Variants in LARGE1 observed in about 807,000 individuals in gnomAD.
The protein encoded by LARGE1 is LARGE xylosyl- and glucuronyltransferase 1.
In LARGE1, 43 loss-of-function variants were observed where a neutral mutation model predicts 87.6. The observed-to-expected ratio is 0.49, with a 90% CI of 0.38 to 0.63. The LOEUF is 0.63. Ranked by LOEUF, LARGE1 falls within the 30% of genes least tolerant of loss-of-function variation. The probability of loss-of-function intolerance (pLI) is 0.00; values close to 1 mark genes in which losing one functional copy is unlikely to be tolerated. For missense variants in LARGE1, 802 were observed against 1,000.2 expected (o/e 0.80, Z 2.67); for synonymous variants, 434 against 394.6 (o/e 1.10, Z -1.18).
Position 33,316,156 on chromosome 22 carries a change from G to T in LARGE1, c.1380C>A (p.Phe460Leu). Residue 460 changes from phenylalanine to leucine, a missense_variant, in exon 11 of 15, where the codon TTC (phenylalanine) becomes TTA (leucine). Around this residue, in one of 2 missense-constraint regions of LARGE1, gnomAD observed 625 missense variants for 841.9 expected, o/e 0.74. Coordinates refer to ENST00000397394, the MANE Select transcript of LARGE1 (RefSeq NM_133642.5). ...CTGCAGGCTCATACTCGTAGTGCAG[G>T]AAGTACAGGTGGGTGCGGTGGACAG... is the stretch of plus-strand genomic sequence containing the variant. ...RFTVHRTHLY[F>L]LHYEYEPAAD... The T allele has an allele frequency of 1.9e-6, 3 of 1,614,150 alleles. No homozygotes were observed. Among genetic ancestry groups the T allele is most frequent in the Non-Finnish European group, 2.5e-6 (3 of 1,180,030 alleles).
At chr22:33,347,605 G>T (rs1939908365) in intron 9 of LARGE1, among the ~76,000 whole-genome samples, 1 of 152,178 alleles carries the variant, frequency 6.6e-6, no homozygotes, top group South Asian at 2.1e-4. Context: ...CAAAGAGAAG[G>T]ACAATATTTT....
intron 11 of LARGE1, among the ~76,000 whole-genome samples, chr22:33,216,364 C>T (rs1381131670): frequency 1.3e-5 from 2 of 152,190 alleles, no homozygotes; most frequent in African/African-American, 4.8e-5. Context: ...CGTGGTGGCT[C>T]ACGCCTGTAA....
At chr22:33,329,224 A>G (rs895920511) in intron 10 of LARGE1, among the ~76,000 whole-genome samples, 10 of 152,202 alleles carry the variant, frequency 6.6e-5, no homozygotes, top group African/African-American at 1.9e-4. Flanking sequence ...GCAGTCATCA[A>G]TTAGTGATGT....
chr22:33,445,179 T>G (rs2067637798), intron 6 of LARGE1, among the ~76,000 whole-genome samples: 1 of 152,150 alleles, frequency 6.6e-6, no homozygotes, highest in African/African-American at 2.4e-5. Flanking sequence ...GGGCCTATCT[T>G]CATGTCTTAG....
intron 11 of LARGE1, among the ~76,000 whole-genome samples, chr22:33,253,044 G>A (rs980518669): frequency 7.2e-5 from 11 of 152,152 alleles, no homozygotes; most frequent in African/African-American, 2.4e-4. Context: ...AAGGTGTGAC[G>A]TGGAATGTAA....
intron 7 of LARGE1, among the ~76,000 whole-genome samples, chr22:33,400,684 A>G (rs775132194): frequency 6.6e-6 from 1 of 152,156 alleles, no homozygotes; most frequent in African/African-American, 2.4e-5. Context: ...GCTCCTAAAC[A>G]GCCGAAAGGG....
At chr22:33,202,105 T>TA (rs137449) in intron 11 of LARGE1, among the ~76,000 whole-genome samples, 51,061 of 143,704 alleles carry the variant, frequency 0.36, 8,781 homozygotes, top group Non-Finnish European at 0.39. Context: ...CACGGCATGA[T>TA]AAAAAAAAAA....
chr22:33,233,594 C>G (rs929931913), intron 11 of LARGE1, among the ~76,000 whole-genome samples: 3 of 152,002 alleles, frequency 2.0e-5, no homozygotes, highest in African/African-American at 7.2e-5. Flanking sequence ...TATGGTTGGG[C>G]AGATGAGAAA....
chr22:33,320,061 C>A (rs1402846434), intron 10 of LARGE1, among the ~76,000 whole-genome samples: 1 of 152,230 alleles, frequency 6.6e-6, no homozygotes, highest in Non-Finnish European at 1.5e-5. Context: ...TCTCACCATG[C>A]CAACAGTTTA....
chr22:33,752,179 G>A (rs1192623430), intron 2 of LARGE1, among the ~76,000 whole-genome samples: 2 of 152,074 alleles, frequency 1.3e-5, no homozygotes, highest in Admixed American at 6.5e-5. Flanking sequence ...CTAGTCTTTT[G>A]TTTCCACCTA....
At chr22:33,121,402 T>C in the LARGE1 span, among the ~76,000 whole-genome samples, 1 of 152,238 alleles carries the variant, frequency 6.6e-6, no homozygotes, top group African/African-American at 2.4e-5. Context: ...GGGTTAAGAA[T>C]GCCTGTTGTG....
chr22:33,761,971 T>C (rs565622335), intron 1 of LARGE1, among the ~76,000 whole-genome samples: 18 of 151,972 alleles, frequency 1.2e-4, no homozygotes, highest in African/African-American at 4.1e-4. Flanking sequence ...AATCTCAGCA[T>C]TTTGGGAGGC....
At chr22:33,240,552 A>G (rs939271926) in intron 11 of LARGE1, among the ~76,000 whole-genome samples, 7 of 152,182 alleles carry the variant, frequency 4.6e-5, no homozygotes, top group Admixed American at 2.6e-4. Context: ...TCCTTGTGTC[A>G]ATAACACTCT....
chr22:33,677,439 C>T lies in LARGE1; in HGVS notation c.107-26771G>A, dbSNP rs149386368. On this transcript the variant is annotated intron_variant, in intron 2 of 14. Transcript: ENST00000397394. ...ACTGGAAACCCACTGGAAATTACGACAGTTATCTCTCCATATTTATCTCTG... is the reference window on the plus strand; with the variant it reads ...ACTGGAAACCCACTGGAAATTACGATAGTTATCTCTCCATATTTATCTCTG... Among the ~76,000 whole-genome samples, 489 of 152,226 alleles carry T rather than the reference C, an allele frequency of 3.2e-3. 5 individuals carry two copies. Among genetic ancestry groups the T allele is most frequent in the South Asian group, 7.3e-3 (35 of 4,822 alleles).
chr22:33,395,574 C>T (rs2065711387), intron 7 of LARGE1, among the ~76,000 whole-genome samples: 1 of 152,142 alleles, frequency 6.6e-6, no homozygotes, highest in Non-Finnish European at 1.5e-5. Flanking sequence ...AAGGTTCTGC[C>T]ACTATTCCCT....
intron 6 of LARGE1, among the ~76,000 whole-genome samples, chr22:33,450,598 T>C (rs2067871684): frequency 6.9e-6 from 1 of 145,730 alleles, no homozygotes; most frequent in Non-Finnish European, 1.5e-5. Flanking sequence ...CAAAGCAAGA[T>C]TCTGTTAAAT....
At chr22:33,748,999 T>C (rs528299015) in intron 2 of LARGE1, among the ~76,000 whole-genome samples, 1 of 152,208 alleles carries the variant, frequency 6.6e-6, no homozygotes, top group Non-Finnish European at 1.5e-5. Flanking sequence ...CAGGAGACTT[T>C]CCAGGATTCT....
At chr22:33,506,434 C>T (rs1182925052) in intron 6 of LARGE1, among the ~76,000 whole-genome samples, 1 of 152,134 alleles carries the variant, frequency 6.6e-6, no homozygotes, top group Non-Finnish European at 1.5e-5. Context: ...CTTCCTCCTC[C>T]CATAGGCTGA....
rs187146348 is a variant in LARGE1 at position 33,505,354 on chromosome 22, T to G, written c.787+59494A>C. ...ATGCCAGGTTTCTGTCTGGAGCTAC[T>G]GCTAATACCATTATCGTAGTAGAGA... On this transcript the variant is annotated intron_variant, in intron 6 of 14. Transcript: ENST00000397394. Among the ~76,000 whole-genome samples the G allele has an allele frequency of 2.0e-5, 3 of 152,338 alleles. No homozygotes were observed. The East Asian group carries it at 5.8e-4, about 29-fold the overall frequency.
Sources: gnomAD v4.1 joint callset for allele counts (sites outside exome capture counted in the v4.1 genomes callset) on GRCh38, gnomAD v4.1.1 for gene constraint, gnomAD v4.1.1 regional missense constraint, MANE v1.5 for transcripts, NCBI Gene and HGNC (gene_info 2026-07-23, HGNC 2026-07-21) for gene names.